The following SPTA1 variants were observed in gnomAD, a reference collection of about 807,000 sequenced individuals.
SPTA1 encodes the protein spectrin alpha, erythrocytic 1.
SPTA1 carries 177 observed loss-of-function variants against 324.7 expected under a neutral mutation model. The ratio of observed to expected loss-of-function variants is 0.55; its 90% confidence interval spans 0.48 to 0.62. The LOEUF is 0.62. SPTA1 is among the 20% of genes least tolerant of loss of function. The pLI is 0.00. For synonymous variants in SPTA1, 1,195 were observed against 1,041.3 expected (o/e 1.15, Z -2.84); for missense variants, 3,162 against 2,883.6 (o/e 1.10, Z -2.21).
At chr1:158,633,306 G>A (rs773675478) in intron 39 of SPTA1, among the ~76,000 whole-genome samples, 3 of 152,102 alleles carry the variant, frequency 2.0e-5, no homozygotes, top group Non-Finnish European at 4.4e-5. Context: ...TTCCATTAGA[G>A]AAAACTTGGT....
At chr1:158,641,561 G>A (rs1476304602) in intron 33 of SPTA1, among the ~76,000 whole-genome samples, 1 of 152,208 alleles carries the variant, frequency 6.6e-6, no homozygotes, top group Non-Finnish European at 1.5e-5. Context: ...ATGAAAAAAT[G>A]CTCATCATCA....
intron 48 of SPTA1, 146 bp from the exon 49 acceptor site, chr1:158,614,452 G>A (rs1438410410): frequency 6.2e-6 from 4 of 640,932 alleles, no homozygotes; most frequent in South Asian, 1.9e-5. Context: ...TATAGTCCAT[G>A]GGCCAAATCT....
intron 51 of SPTA1, chr1:158,611,738 C>A: frequency 3.8e-6 from 1 of 260,242 alleles, no homozygotes; most frequent in Non-Finnish European, 7.5e-6. Context: ...TGGGGACTAG[C>A]ATGTTTTATG....
intron 18 of SPTA1, among the ~76,000 whole-genome samples, chr1:158,658,801 A>G (rs910503600): frequency 2.0e-5 from 3 of 152,152 alleles, no homozygotes; most frequent in African/African-American, 7.2e-5. Context: ...ATGACAGCAG[A>G]CTTCTTATCA....
chr1:158,643,113 G>T, intron 31 of SPTA1, 137 bp from the exon 32 acceptor site: 1 of 1,338,608 alleles, frequency 7.5e-7, no homozygotes, highest in Non-Finnish European at 1.0e-6. Context: ...ATAAAATGCA[G>T]TGCTAAAGCC....
Position 158,659,595 on chromosome 1 carries a change from A to ATTTTTTTTTTTTTTTTTTTTTTTTTT in SPTA1, c.2587+1666_2587+1691dup, listed in dbSNP as rs1177353050. Among the ~76,000 whole-genome samples the ATTTTTTTTTTTTTTTTTTTTTTTTTT allele has an allele frequency of 1.5e-4, 10 of 68,778 alleles. 2 individuals are homozygous for ATTTTTTTTTTTTTTTTTTTTTTTTTT. The highest frequency in any genetic ancestry group is 4.5e-4 in the East Asian group (1 of 2,246). 45.1% of individuals were successfully genotyped at this position (68,778 alleles called of 152,430 possible). A position where few individuals can be genotyped will look rare whatever the true frequency, so the allele number is the denominator to read the frequency against. ...AAAAGAAAATAATAGTCTTAGCATT[A>ATTTTTTTTTTTTTTTTTTTTTTTTTT]TTTTTTTTTTTTTTTTTTTTTTTTT... On this transcript the variant is annotated intron_variant, in intron 18 of 51. Coordinates refer to ENST00000643759, the MANE Select transcript of SPTA1 (RefSeq NM_003126.4).
intron 18 of SPTA1, among the ~76,000 whole-genome samples, chr1:158,660,808 A>G (rs886552649): frequency 9.8e-5 from 15 of 152,314 alleles, no homozygotes; most frequent in Admixed American, 5.9e-4. Context: ...AGCATCAGGA[A>G]TTTCTGAATT....
At position 158,626,852 on chromosome 1, in the gene SPTA1, T is replaced by C; in HGVS notation, c.5820A>G (p.Val1940=). The part of the protein sequence containing the change: ...FQEFNWKADV[V]EAWIADKETS... Reference sequence around the variant, plus strand: ...GACACATCATACCTATCCAAGCCTCTACCACATCAGCCTTCCAGTTGAATT... The same window carrying C: ...GACACATCATACCTATCCAAGCCTCCACCACATCAGCCTTCCAGTTGAATT... The change falls in exon 41 of 52, where the codon GTA becomes GTG. Residue 1940 remains valine, a synonymous_variant. Coordinates refer to ENST00000643759, the MANE Select transcript of SPTA1 (RefSeq NM_003126.4). The C allele has an allele frequency of 6.2e-7, 1 of 1,613,756 alleles. No individual in the cohort carries two copies. The highest frequency in any genetic ancestry group is 8.5e-7 in the Non-Finnish European group (1 of 1,179,690).
At position 158,669,772 on chromosome 1, in the gene SPTA1, A is replaced by G; in HGVS notation, c.1614T>C (p.Thr538=). Residue 538 remains threonine (T), a synonymous_variant, in exon 13 of 52, where the codon ACT becomes ACC. Coordinates refer to ENST00000643759, the MANE Select transcript of SPTA1 (RefSeq NM_003126.4). ...QEEKIITVDK[T]ATKLIGDDHY... The stretch of plus-strand genomic sequence containing the variant: ...GGTCATCACCAATCAATTTGGTTGC[A>G]GTCTTGTCTACAGTCTGAAAAAATA... 6.2e-7 allele frequency: 1 copy of G among 1,614,100 alleles called. No individual in the cohort carries two copies. Among genetic ancestry groups the G allele is most frequent in the Non-Finnish European group, 8.5e-7 (1 of 1,179,958 alleles).
intron 17 of SPTA1, 79 bp from the exon 18 acceptor site, chr1:158,661,488 G>A (rs2101889412): frequency 6.3e-7 from 1 of 1,587,674 alleles, no homozygotes; most frequent in East Asian, 2.2e-5. Context: ...TAGAACTCTT[G>A]GACCCACAGG....
At chr1:158,638,432 G>T (rs1316276549) in intron 35 of SPTA1, among the ~76,000 whole-genome samples, 191 bp from the exon 36 acceptor site, 1 of 152,112 alleles carries the variant, frequency 6.6e-6, no homozygotes, top group Non-Finnish European at 1.5e-5. Flanking sequence ...GAGCGATAGA[G>T]GTAGCATGAC....
chr1:158,684,320 G>A (rs1014449173), intron 2 of SPTA1, among the ~76,000 whole-genome samples: 1 of 151,972 alleles, frequency 6.6e-6, no homozygotes, highest in African/African-American at 2.4e-5. Flanking sequence ...TAGTTAACCT[G>A]GTTAACTCTT....
chr1:158,680,741 G>C lies in SPTA1; in HGVS notation c.532-12C>G, dbSNP rs774303884. The C allele has an allele frequency of 6.2e-7, 1 of 1,613,384 alleles. No individual in the cohort carries two copies. The highest frequency in any genetic ancestry group is 8.5e-7 in the Non-Finnish European group (1 of 1,179,740). ...GTCGCTATAGCCTCCTGTAGACACAGAAGTTGATTGAGTTGCCAGCAAACA... is the reference window on the plus strand; with the variant it reads ...GTCGCTATAGCCTCCTGTAGACACACAAGTTGATTGAGTTGCCAGCAAACA... On this transcript the variant is annotated splice_polypyrimidine_tract_variant and intron_variant, in intron 4 of 51. Coordinates refer to ENST00000643759, the MANE Select transcript of SPTA1 (RefSeq NM_003126.4).
intron 33 of SPTA1, among the ~76,000 whole-genome samples, chr1:158,640,494 TA>T (rs913005143): frequency 6.6e-6 from 1 of 152,034 alleles, no homozygotes; most frequent in Admixed American, 6.6e-5. Flanking sequence ...AATCAATGTG[TA>T]AAAATCACAA....
At chr1:158,645,664 G>C (rs1651946530) in intron 27 of SPTA1, 70 bp from the exon 28 acceptor site, 6 of 1,503,964 alleles carry the variant, frequency 4.0e-6, no homozygotes, top group Admixed American at 1.7e-5. Flanking sequence ...TTGTCCTACA[G>C]TTTTCCATTC....
Position 158,613,961 on chromosome 1 carries a change from C to G in SPTA1, c.6843-94G>C, listed in dbSNP as rs561972156. ...ATATGTCTTATTGCGTCAGCTGAAGCTTTATTGACCTGTCACAAAACTATC... is the reference window on the plus strand; with the variant it reads ...ATATGTCTTATTGCGTCAGCTGAAGGTTTATTGACCTGTCACAAAACTATC... On this transcript the variant is annotated intron_variant, in intron 49 of 51. Coordinates refer to ENST00000643759, the MANE Select transcript of SPTA1 (RefSeq NM_003126.4). The G allele has an allele frequency of 7.2e-6, 10 of 1,380,576 alleles. No homozygotes were observed. In the South Asian group the frequency reaches 1.0e-4, roughly 14 times the overall value. 85.5% of individuals were successfully genotyped at this position (1,380,576 alleles called of 1,614,324 possible). A position where few individuals can be genotyped will look rare whatever the true frequency, so the allele number is the denominator to read the frequency against.
At chr1:158,663,614 G>T (rs1441221813) in intron 16 of SPTA1, among the ~76,000 whole-genome samples, 1 of 152,112 alleles carries the variant, frequency 6.6e-6, no homozygotes, top group African/African-American at 2.4e-5. Flanking sequence ...TTTTATTAGT[G>T]AGGCAAACTA....
At position 158,626,996 on chromosome 1, in the gene SPTA1, C is replaced by T; in HGVS notation, c.5676G>A (p.Glu1892=). 6.2e-7 allele frequency: 1 copy of T among 1,613,778 alleles called. No individual in the cohort carries two copies. The highest frequency in any genetic ancestry group is 8.5e-7 in the Non-Finnish European group (1 of 1,179,738). The part of the protein sequence containing the change: ...GEDILNKVLQ[E]ESQNKEISSK... ...AAGAAATCTCTTTGTTCTGACTTTCCTCCTGCAACACCTGTGAGAAGGGGA... is the reference window on the plus strand; with the variant it reads ...AAGAAATCTCTTTGTTCTGACTTTCTTCCTGCAACACCTGTGAGAAGGGGA... Residue 1892 remains glutamate, a synonymous_variant, in exon 41 of 52, where the codon GAG becomes GAA. Coordinates refer to ENST00000643759, the MANE Select transcript of SPTA1 (RefSeq NM_003126.4).
At chr1:158,642,253 T>C (rs1271100524) in intron 33 of SPTA1, among the ~76,000 whole-genome samples, 158 bp downstream of exon 33, 1 of 152,006 alleles carries the variant, frequency 6.6e-6, no homozygotes, top group African/African-American at 2.4e-5. Context: ...GGCACATGTA[T>C]ACATATGTAA....
Sources: gnomAD v4.1 joint callset for allele counts (sites outside exome capture counted in the v4.1 genomes callset) on GRCh38, gnomAD v4.1.1 for gene constraint, MANE v1.5 for transcripts, NCBI Gene and HGNC (gene_info 2026-07-23, HGNC 2026-07-21) for gene names.